Variants in PTPRN2 observed in about 807,000 individuals in gnomAD.
PTPRN2 encodes protein tyrosine phosphatase receptor type N2, also known as receptor-type tyrosine-protein phosphatase N2.
PTPRN2 carries 74 observed loss-of-function variants against 118.8 expected under a neutral mutation model. The observed-to-expected ratio is 0.62, with a 90% CI of 0.52 to 0.76. PTPRN2 has a LOEUF of 0.76. Among genes scored for constraint, PTPRN2 ranks in the 30% least tolerant of loss-of-function variants. The pLI, the probability that PTPRN2 is intolerant of heterozygous loss-of-function variation, is 0.00. For synonymous variants in PTPRN2, 641 were observed against 608.0 expected (o/e 1.05, Z -0.80); for missense variants, 1,481 against 1,394.4 (o/e 1.06, Z -0.99).
chr7:158,124,296 T>TA (rs1394461963), intron 9 of PTPRN2, among the ~76,000 whole-genome samples: 1 of 152,162 alleles, frequency 6.6e-6, no homozygotes, highest in Non-Finnish European at 1.5e-5. Context: ...CCTGGAGAGT[T>TA]CCCTAAAATC....
At chr7:158,528,085 G>C (rs766922884) in intron 1 of PTPRN2, among the ~76,000 whole-genome samples, 4 of 152,240 alleles carry the variant, frequency 2.6e-5, no homozygotes, top group Non-Finnish European at 5.9e-5. Flanking sequence ...CCTGTGTTGT[G>C]TGAGCACATG....
At chr7:158,112,444 C>T (rs1045531638) in intron 9 of PTPRN2, among the ~76,000 whole-genome samples, 2 of 152,138 alleles carry the variant, frequency 1.3e-5, no homozygotes, top group South Asian at 2.1e-4. Context: ...GGCCTGGAGA[C>T]GAGTGCAGGA....
chr7:158,221,266 A>C (rs1299188607), intron 3 of PTPRN2, among the ~76,000 whole-genome samples: 1 of 152,102 alleles, frequency 6.6e-6, no homozygotes, highest in East Asian at 1.9e-4. Flanking sequence ...TAAAAACCCT[A>C]GAAGAAAATG....
intron 1 of PTPRN2, among the ~76,000 whole-genome samples, chr7:158,532,332 C>T (rs1586887471): frequency 1.3e-5 from 2 of 152,294 alleles, no homozygotes; most frequent in African/African-American, 2.4e-5. Context: ...TGCCCAAAAG[C>T]GACATTGGGA....
intron 1 of PTPRN2, among the ~76,000 whole-genome samples, chr7:158,501,887 G>A (rs1822388727): frequency 6.6e-6 from 1 of 152,132 alleles, no homozygotes; most frequent in South Asian, 2.1e-4. Context: ...CCAGCACCGC[G>A]CCCAGCTCAC....
intron 11 of PTPRN2, among the ~76,000 whole-genome samples, chr7:158,077,501 G>GGA (rs916118303): frequency 5.0e-5 from 7 of 140,246 alleles, no homozygotes; most frequent in African/African-American, 2.1e-4. Flanking sequence ...GCTCAGGACA[G>GGA]GAGCCCCCCA....
chr7:158,087,414 G>A lies in PTPRN2; in HGVS notation c.1644-6037C>T, dbSNP rs550532016. The stretch of plus-strand genomic sequence containing the variant: ...CGATGGTCGTGCCAGGCACATCTAT[G>A]GTAAGAAGCGTCTGATGCAAGAGCA... On this transcript the variant is annotated intron_variant, in intron 10 of 22. Coordinates refer to ENST00000389418, the MANE Select transcript of PTPRN2 (RefSeq NM_002847.5). Among the ~76,000 whole-genome samples, 4 of 152,318 alleles carry A rather than the reference G, an allele frequency of 2.6e-5. No individual in the cohort carries two copies. The East Asian group carries it at 5.8e-4, about 22-fold the overall frequency.
chr7:158,470,745 T>G (rs1235298633), intron 2 of PTPRN2, among the ~76,000 whole-genome samples: 1 of 151,978 alleles, frequency 6.6e-6, no homozygotes, highest in Non-Finnish European at 1.5e-5. Context: ...TTCACCGAGG[T>G]GGAGAACAGG....
chr7:157,968,975 T>C (rs1802130536), intron 11 of PTPRN2, among the ~76,000 whole-genome samples: 1 of 152,220 alleles, frequency 6.6e-6, no homozygotes, highest in Non-Finnish European at 1.5e-5. Context: ...GAGACCTCCT[T>C]GTCCAGGTAG....
chr7:157,779,369 T>C lies in PTPRN2; in HGVS notation c.1789-96432A>G, dbSNP rs991561600. On this transcript the variant is annotated intron_variant, in intron 12 of 22. Coordinates refer to ENST00000389418, the MANE Select transcript of PTPRN2 (RefSeq NM_002847.5). The surrounding 1 kb of genome is among the most constrained non-coding windows in gnomAD (Gnocchi z 4.7). Reference sequence around the variant, plus strand: ...TGGTCGCTTGTGCTGAGCAAGGCCTTGCTTCTCATCTGACCAAAGAAGACC... The same window carrying C: ...TGGTCGCTTGTGCTGAGCAAGGCCTCGCTTCTCATCTGACCAAAGAAGACC... Among the ~76,000 whole-genome samples the C allele has an allele frequency of 6.6e-6, 1 of 152,134 alleles. No individual in the cohort carries two copies. The highest frequency in any genetic ancestry group is 1.5e-5 in the Non-Finnish European group (1 of 68,024).
intron 11 of PTPRN2, among the ~76,000 whole-genome samples, chr7:157,996,788 T>C (rs1326798841): frequency 1.3e-5 from 2 of 152,228 alleles, no homozygotes; most frequent in Non-Finnish European, 1.5e-5. Context: ...AATCCAGTGA[T>C]AAAGAATGGA....
intron 12 of PTPRN2, among the ~76,000 whole-genome samples, chr7:157,743,784 GATA>G (rs1366996922): frequency 1.3e-5 from 2 of 152,142 alleles, no homozygotes; most frequent in Admixed American, 6.5e-5. Context: ...CTGTGGCTGG[GATA>G]ACAATCTCCA....
At position 157,622,909 on chromosome 7, in the gene PTPRN2, A is replaced by T. The variant is rs1803355185; in HGVS notation, c.2197-1400T>A. On this transcript the variant is annotated intron_variant, in intron 14 of 22. Coordinates refer to ENST00000389418, the MANE Select transcript of PTPRN2 (RefSeq NM_002847.5). The surrounding 1 kb of genome is among the most constrained non-coding windows in gnomAD (Gnocchi z 5.3). ...AACGCTTTTCCCCCACCACACCTTG[A>T]GCCTTGGGAGCACACCTGCGCCAGG... 6.6e-6 allele frequency among the ~76,000 whole-genome samples: 1 copy of T among 152,170 alleles called. No individual in the cohort carries two copies. Among genetic ancestry groups the T allele is most frequent in the South Asian group, 2.1e-4 (1 of 4,824 alleles).
chr7:158,560,693 G>T (rs928430217), intron 1 of PTPRN2, among the ~76,000 whole-genome samples: 5 of 152,246 alleles, frequency 3.3e-5, no homozygotes, highest in African/African-American at 1.2e-4. Flanking sequence ...GCACATGGGC[G>T]GCACTTTTCA....
At chr7:157,876,190 G>A (rs1250527558) in intron 12 of PTPRN2, among the ~76,000 whole-genome samples, 3 of 152,326 alleles carry the variant, frequency 2.0e-5, no homozygotes, top group South Asian at 2.1e-4. Flanking sequence ...CTGGGTGCCC[G>A]AGTGGGCTCA....
chr7:158,522,360 C>CGGGTGCTGGCTCGGG lies in PTPRN2; in HGVS notation c.113-32576_113-32575insCCCGAGCCAGCACCC. Among the ~76,000 whole-genome samples the CGGGTGCTGGCTCGGG allele has an allele frequency of 3.1e-5, 4 of 130,774 alleles. 1 individual carries two copies. The highest frequency in any genetic ancestry group is 3.3e-5 in the Non-Finnish European group (2 of 61,364). The allele number at this position is 130,774 out of a possible 152,430, so 85.8% of individuals were successfully genotyped here. A position where few individuals can be genotyped will look rare whatever the true frequency, so the allele number is the denominator to read the frequency against. On this transcript the variant is annotated intron_variant, in intron 1 of 22. Coordinates refer to ENST00000389418, the MANE Select transcript of PTPRN2 (RefSeq NM_002847.5). ...GTCCACGTCACAATGGTGGACTGTC[C>CGGGTGCTGGCTCGGG]AGGTGCTGGCTCGGGAGGGAGGTCC...
chr7:158,328,802 C>CG lies in PTPRN2; in HGVS notation c.164-11871_164-11870insC, dbSNP rs535731836. ...GGAGCGGGGCCTCCATTCCCCCCCC[C>CG]CCGCCACCCAGGGATCCCAGGGAGG... On this transcript the variant is annotated intron_variant, in intron 2 of 22. Transcript: ENST00000389418. Among the ~76,000 whole-genome samples the CG allele has an allele frequency of 4.2e-4, 64 of 151,052 alleles. 2 individuals are homozygous for CG. The South Asian group carries it at 0.013, about 32-fold the overall frequency.
At chr7:158,220,798 A>G (rs1229455809) in intron 3 of PTPRN2, among the ~76,000 whole-genome samples, 1 of 151,784 alleles carries the variant, frequency 6.6e-6, no homozygotes, top group Non-Finnish European at 1.5e-5. Context: ...CAATTTACAG[A>G]CTCAATGCTA....
chr7:158,400,378 T>C (rs1812841984), intron 2 of PTPRN2, among the ~76,000 whole-genome samples: 1 of 152,060 alleles, frequency 6.6e-6, no homozygotes, highest in Non-Finnish European at 1.5e-5. Flanking sequence ...TTGTTTTGCT[T>C]TATTGCTCTG....
Sources: allele counts gnomAD v4.1 joint callset (sites outside exome capture counted in the v4.1 genomes callset), GRCh38; gene constraint gnomAD v4.1.1; non-coding constraint Gnocchi (gnomAD v3.1); transcripts MANE v1.5; gene names NCBI Gene and HGNC (gene_info 2026-07-23, HGNC 2026-07-21).